Variants in GABBR1 observed in about 807,000 individuals in gnomAD.
GABBR1 encodes GABA-B receptor, R1 subunit.
Under a neutral mutation model 117.7 loss-of-function variants are expected in GABBR1, and 35 were observed. The observed-to-expected ratio is 0.30, with a 90% CI of 0.23 to 0.39. The LOEUF is 0.39. Ranked by LOEUF, GABBR1 falls within the 10% of genes least tolerant of loss-of-function variation. The probability of loss-of-function intolerance (pLI) is 1.00; values close to 1 mark genes in which losing one functional copy is unlikely to be tolerated. For missense variants in GABBR1, 709 were observed against 1,241.8 expected (o/e 0.57, Z 6.45); for synonymous variants, 442 against 486.6 (o/e 0.91, Z 1.21).
In GABBR1 at chr6:29,623,531, T is replaced by G; in HGVS notation, c.793-56A>C. The G allele has an allele frequency of 6.5e-7, 1 of 1,546,982 alleles. No homozygotes were observed. Among genetic ancestry groups the G allele is most frequent in the Non-Finnish European group, 8.9e-7 (1 of 1,129,052 alleles). ...GTCTGTTCACTGAGGACACCAAGAGTGGCCAAGAGTTCCTTTAACCCTCTT... is the reference window on the plus strand; with the variant it reads ...GTCTGTTCACTGAGGACACCAAGAGGGGCCAAGAGTTCCTTTAACCCTCTT... On this transcript the variant is annotated intron_variant, in intron 7 of 22. Coordinates refer to ENST00000377034, the MANE Select transcript of GABBR1 (RefSeq NM_001470.4). This position sits in a 1 kb window ranked among gnomAD's most constrained non-coding sequence, Gnocchi z 6.2.
At chr6:29,629,812 C>CG (rs1764769835) in intron 4 of GABBR1, 4 of 104,672 alleles carry the variant, frequency 3.8e-5, no homozygotes, top group African/African-American at 1.4e-4. Flanking sequence ...AATTACGTGG[C>CG]AAAAAAAAAA....
At chr6:29,624,078 G>T in intron 6 of GABBR1, 54 bp from the exon 7 acceptor site, 1 of 1,503,212 alleles carries the variant, frequency 6.7e-7, no homozygotes, top group Non-Finnish European at 9.0e-7. Context: ...TCCCCTGTCT[G>T]CAATTCCTGC....
rs1762498225 is a variant in GABBR1, at chr6:29,611,148, C to A, written c.1631-147G>T. On this transcript the variant is annotated intron_variant, in intron 13 of 22. Coordinates refer to ENST00000377034, the MANE Select transcript of GABBR1 (RefSeq NM_001470.4). The surrounding 1 kb of genome is among the most constrained non-coding windows in gnomAD (Gnocchi z 4.6). ...CCCTAAGGATGCTTGGAAGGACCTA[C>A]GAGACTCTTGAATCAGCAACATGAC... The A allele has an allele frequency of 1.6e-6, 1 of 606,672 alleles. No homozygotes were observed. Among genetic ancestry groups the A allele is most frequent in the Non-Finnish European group, 2.9e-6 (1 of 344,428 alleles). 37.6% of individuals were successfully genotyped at this position (606,672 alleles called of 1,614,324 possible). A position where few individuals can be genotyped will look rare whatever the true frequency, so the allele number is the denominator to read the frequency against.
At chr6:29,616,966 T>G (rs1310276515) in intron 11 of GABBR1, among the ~76,000 whole-genome samples, 1 of 118,320 alleles carries the variant, frequency 8.5e-6, no homozygotes, top group Non-Finnish European at 1.7e-5. Context: ...GCTAACACGG[T>G]GAAACCCCGT....
rs1281382870 is a variant in GABBR1, at chr6:29,602,271, T to C, written c.*1272A>G. On this transcript the variant is annotated 3_prime_UTR_variant, in exon 23 of 23. Coordinates refer to ENST00000377034, the MANE Select transcript of GABBR1 (RefSeq NM_001470.4). ...ACTGGTTTATTGAGATTCGGGGAGA[T>C]CCTTCCCCAAGAGACACCACAGTGT... 6.6e-6 allele frequency: 1 copy of C among 152,310 alleles called. No individual in the cohort carries two copies. The highest frequency in any genetic ancestry group is 1.5e-5 in the Non-Finnish European group (1 of 68,220). 9.4% of individuals were successfully genotyped at this position (152,310 alleles called of 1,614,324 possible).
Position 29,603,482 on chromosome 6 carries a change from C to T in GABBR1, c.*61G>A. ...GATGGGGACCCCCTGCTTCCTGAGT[C>T]CCCTGCCCTTCCCCTCTCCCTTTCC... On this transcript the variant is annotated 3_prime_UTR_variant, in exon 23 of 23. Coordinates refer to ENST00000377034, the MANE Select transcript of GABBR1 (RefSeq NM_001470.4). 1 of 1,450,070 alleles carries T rather than the reference C, an allele frequency of 6.9e-7. No homozygotes were observed. Among genetic ancestry groups the T allele is most frequent in the East Asian group, 2.5e-5 (1 of 40,494 alleles). 89.8% of individuals were successfully genotyped at this position (1,450,070 alleles called of 1,614,324 possible). A position where few individuals can be genotyped will look rare whatever the true frequency, so the allele number is the denominator to read the frequency against.
chr6:29,605,174 T>A lies in GABBR1; in HGVS notation c.2440-186A>T. The A allele has an allele frequency of 1.5e-6, 1 of 673,702 alleles. No homozygotes were observed. The highest frequency in any genetic ancestry group is 2.4e-6 in the Non-Finnish European group (1 of 416,878). The allele number at this position is 673,702 out of a possible 1,614,324, so 41.7% of individuals were successfully genotyped here. ...AAATCTCAAACTGTCCCAAACCAGT[T>A]TTCACTCTTGGTTAACCCCTCCCCT... On this transcript the variant is annotated intron_variant, in intron 20 of 22. Coordinates refer to ENST00000377034, the MANE Select transcript of GABBR1 (RefSeq NM_001470.4). This position sits in a 1 kb window ranked among gnomAD's most constrained non-coding sequence, Gnocchi z 4.2.
chr6:29,623,916 C>T lies in GABBR1; in HGVS notation c.766G>A (p.Ala256Thr), dbSNP rs1294457180. ...ACAATGAGGTTCCACATCCTAGCAG[C>T]CTCAGCCACCAGCGTGGAGACAGAG... ...CSSVSTLVAE[A>T]ARMWNLIVLS... is the part of the protein sequence containing the mutation. Residue 256 changes from alanine to threonine, a missense_variant, in exon 7 of 23, where the codon GCT becomes ACT. By Grantham distance (58) the Ala-to-Thr change is moderately conservative. This residue lies in a region of GABBR1 where 192 missense variants were observed against 418.4 expected (regional missense o/e 0.46). Transcript: ENST00000377034. This position sits in a 1 kb window ranked among gnomAD's most constrained non-coding sequence, Gnocchi z 6.2. 6.2e-7 allele frequency: 1 copy of T among 1,612,936 alleles called. No homozygotes were observed. The highest frequency in any genetic ancestry group is 1.7e-5 in the Admixed American group (1 of 60,010).
rs761762620 is a variant in GABBR1, at chr6:29,623,432, C to T, written c.836G>A (p.Arg279His). The change falls in exon 8 of 23, where the codon CGT becomes CAT. Residue 279 changes from arginine to histidine, a missense_variant. Arg to His is a conservative substitution (Grantham distance 29). Coordinates refer to ENST00000377034, the MANE Select transcript of GABBR1 (RefSeq NM_001470.4). This position sits in a 1 kb window ranked among gnomAD's most constrained non-coding sequence, Gnocchi z 6.2. ...GTGCGTTCGGAAGAAAGTGGGGAAA[C>T]GCTGCCGGTTTGACAGGGCTGGTGA... The part of the protein sequence containing the change: ...SSSPALSNRQ[R>H]FPTFFRTHPS... 1.2e-6 allele frequency: 2 copies of T among 1,613,970 alleles called. No homozygotes were observed. The highest frequency in any genetic ancestry group is 1.7e-6 in the Non-Finnish European group (2 of 1,180,010).
At position 29,613,297 on chromosome 6, in the gene GABBR1, G is replaced by A. The variant is rs1217206304; in HGVS notation, c.1512C>T (p.Thr504=). 1 of 1,612,908 alleles carries A rather than the reference G, an allele frequency of 6.2e-7. No individual in the cohort carries two copies. The highest frequency in any genetic ancestry group is 8.5e-7 in the Non-Finnish European group (1 of 1,180,006). The part of the protein sequence containing the change: ...RLEDFNYNNQ[T]ITDQIYRAMN... ...TTGCCCGGTAGATTTGGTCGGTAATGGTCTGGTTGTTGTAGTTGAAGTCCT... is the reference window on the plus strand; with the variant it reads ...TTGCCCGGTAGATTTGGTCGGTAATAGTCTGGTTGTTGTAGTTGAAGTCCT... The change falls in exon 12 of 23, where the codon ACC becomes ACT. Residue 504 remains threonine, a synonymous_variant. Coordinates refer to ENST00000377034, the MANE Select transcript of GABBR1 (RefSeq NM_001470.4). The surrounding 1 kb of genome is among the most constrained non-coding windows in gnomAD (Gnocchi z 4.1).
chr6:29,613,218 G>A lies in GABBR1; in HGVS notation c.1566+25C>T, dbSNP rs1471503895. The stretch of plus-strand genomic sequence containing the variant: ...CTCTCTCAAGATTGGGAAGACAGGG[G>A]AGTATGAAGGAAGTTTTAACTCACA... On this transcript the variant is annotated intron_variant, in intron 12 of 22. Coordinates refer to ENST00000377034, the MANE Select transcript of GABBR1 (RefSeq NM_001470.4). The surrounding 1 kb of genome is among the most constrained non-coding windows in gnomAD (Gnocchi z 4.1). The A allele has an allele frequency of 1.2e-6, 2 of 1,608,940 alleles. No individual in the cohort carries two copies. The highest frequency in any genetic ancestry group is 1.3e-5 in the African/African-American group (1 of 74,860).
Position 29,611,354 on chromosome 6 carries a change from T to C in GABBR1, c.1631-353A>G, listed in dbSNP as rs1762520709. Among the ~76,000 whole-genome samples the C allele has an allele frequency of 6.6e-6, 1 of 152,258 alleles. No homozygotes were observed. The highest frequency in any genetic ancestry group is 1.5e-5 in the Non-Finnish European group (1 of 68,048). Reference sequence around the variant, plus strand: ...CTAAAGCTTTACACATATTTCTGCTTATTCTTCCTCTCATGATGGGCAGGC... The same window carrying C: ...CTAAAGCTTTACACATATTTCTGCTCATTCTTCCTCTCATGATGGGCAGGC... On this transcript the variant is annotated intron_variant, in intron 13 of 22. Coordinates refer to ENST00000377034, the MANE Select transcript of GABBR1 (RefSeq NM_001470.4). This position sits in a 1 kb window ranked among gnomAD's most constrained non-coding sequence, Gnocchi z 4.6.
chr6:29,629,007 G>A, intron 5 of GABBR1, 80 bp downstream of exon 5: 2 of 1,551,178 alleles, frequency 1.3e-6, no homozygotes, highest in Non-Finnish European at 1.8e-6. Flanking sequence ...GTAGCCTAAG[G>A]GCAGAATTTC....
chr6:29,613,617 T>C lies in GABBR1; in HGVS notation c.1324-132A>G. 16 of 1,156,820 alleles carry C rather than the reference T, an allele frequency of 1.4e-5. No individual in the cohort carries two copies. In the South Asian group the frequency reaches 2.4e-4, roughly 17 times the overall value. 71.7% of individuals were successfully genotyped at this position (1,156,820 alleles called of 1,614,324 possible). A position where few individuals can be genotyped will look rare whatever the true frequency, so the allele number is the denominator to read the frequency against. On this transcript the variant is annotated intron_variant, in intron 11 of 22. Transcript: ENST00000377034. The surrounding 1 kb of genome is among the most constrained non-coding windows in gnomAD (Gnocchi z 4.1). Reference sequence around the variant, plus strand: ...TGTTACTGTTGTCAGATTGGACACATGTACATTCAAAATCTTTAACTATAC... The same window carrying C: ...TGTTACTGTTGTCAGATTGGACACACGTACATTCAAAATCTTTAACTATAC...
In GABBR1 at chr6:29,627,073, A is replaced by G. The variant is rs925641757; in HGVS notation, c.657+413T>C. 4.1e-4 allele frequency among the ~76,000 whole-genome samples: 63 copies of G among 152,158 alleles called. No homozygotes were observed. The highest frequency in any genetic ancestry group is 3.8e-3 in the Admixed American group (58 of 15,292). ...ACCTACGCCAAGATTTTACCTTGTTACCATGGTAAATGTAAACCCCCAATC... is the reference window on the plus strand; with the variant it reads ...ACCTACGCCAAGATTTTACCTTGTTGCCATGGTAAATGTAAACCCCCAATC... On this transcript the variant is annotated intron_variant, in intron 6 of 22. Transcript: ENST00000377034. This position sits in a 1 kb window ranked among gnomAD's most constrained non-coding sequence, Gnocchi z 4.4.
Position 29,631,987 on chromosome 6 carries a change from T to C in GABBR1, c.85+314A>G, listed in dbSNP as rs574019076. Among the ~76,000 whole-genome samples the C allele has an allele frequency of 2.6e-5, 4 of 152,038 alleles. No individual in the cohort carries two copies. The highest frequency in any genetic ancestry group is 6.6e-5 in the Admixed American group (1 of 15,262). On this transcript the variant is annotated intron_variant, in intron 2 of 22. Coordinates refer to ENST00000377034, the MANE Select transcript of GABBR1 (RefSeq NM_001470.4). This position sits in a 1 kb window ranked among gnomAD's most constrained non-coding sequence, Gnocchi z 5.9. ...ATAAAGGGAGGCTAATAAGATCATC[T>C]GGACAGCAAAGTGGGACCAAGAAAA...
Position 29,623,958 on chromosome 6 carries a change from G to C in GABBR1, c.724C>G (p.Leu242Val), listed in dbSNP as rs1480780536. 2 of 1,613,010 alleles carry C rather than the reference G, an allele frequency of 1.2e-6. No homozygotes were observed. Among genetic ancestry groups the C allele is most frequent in the Non-Finnish European group, 1.7e-6 (2 of 1,180,000 alleles). Reference sequence around the variant, plus strand: ...GAGACAGAGCTGCAGCCAGGCATAAGGATGATCTTGATAGGGTCGTTGTAG... The same window carrying C: ...GAGACAGAGCTGCAGCCAGGCATAACGATGATCTTGATAGGGTCGTTGTAG... ...LLYNDPIKII[L>V]MPGCSSVSTL... The change falls in exon 7 of 23, where the codon CTT (leucine) becomes GTT (valine). Residue 242 changes from leucine (L) to valine (V), a missense_variant. Physicochemically the swap from Leu to Val is conservative, Grantham distance 32. Transcript: ENST00000377034. The surrounding 1 kb of genome is among the most constrained non-coding windows in gnomAD (Gnocchi z 6.2).
At position 29,631,624 on chromosome 6, in the gene GABBR1, A is replaced by G. The variant is rs756948380; in HGVS notation, c.86-25T>C. 2.5e-6 allele frequency: 4 copies of G among 1,604,606 alleles called. No individual in the cohort carries two copies. The highest frequency in any genetic ancestry group is 3.4e-6 in the Non-Finnish European group (4 of 1,171,454). ...CCTAAGGGGTGAGTCGGGGAGGCATACAGAGAGGAATGGTGGGAAAGAGGA... is the reference window on the plus strand; with the variant it reads ...CCTAAGGGGTGAGTCGGGGAGGCATGCAGAGAGGAATGGTGGGAAAGAGGA... On this transcript the variant is annotated intron_variant, in intron 2 of 22. Transcript: ENST00000377034. The surrounding 1 kb of genome is among the most constrained non-coding windows in gnomAD (Gnocchi z 5.9).
intron 13 of GABBR1, 46 bp downstream of exon 13, chr6:29,612,505 C>T (rs1422084855): frequency 1.9e-6 from 3 of 1,567,810 alleles, no homozygotes; most frequent in East Asian, 4.5e-5. Context: ...CCAGCCCAGC[C>T]CCAGCCTAGC....
Sources: gnomAD v4.1 joint callset for allele counts (sites outside exome capture counted in the v4.1 genomes callset) on GRCh38, gnomAD v4.1.1 for gene constraint, gnomAD v4.1.1 regional missense constraint, Gnocchi (gnomAD v3.1) non-coding constraint, MANE v1.5 for transcripts, NCBI Gene and HGNC (gene_info 2026-07-23, HGNC 2026-07-21) for gene names.